RAD17: variants seen among roughly 807,000 people sequenced by gnomAD.
RAD17 encodes the protein RAD17 checkpoint clamp loader component.
In RAD17, 31 loss-of-function variants were observed where a neutral mutation model predicts 81.5. That is an observed-to-expected ratio of 0.38 (90% CI 0.29 to 0.51). The LOEUF is 0.51. Ranked by LOEUF, RAD17 falls within the 20% of genes least tolerant of loss-of-function variation. The pLI is 0.88. For missense variants in RAD17, 681 were observed against 781.2 expected (o/e 0.87, Z 1.53); for synonymous variants, 261 against 266.2 (o/e 0.98, Z 0.19).
At chr5:69,399,955 T>G in intron 16 of RAD17, 94 bp from the exon 17 acceptor site, 1 of 750,862 alleles carries the variant, frequency 1.3e-6, no homozygotes, top group Non-Finnish European at 2.0e-6. Flanking sequence ...TATAAACTTA[T>G]TGTGTAAGTT....
chr5:69,392,943 A>G (rs1400852648), intron 13 of RAD17: 1 of 518,266 alleles, frequency 1.9e-6, no homozygotes, highest in Non-Finnish European at 3.4e-6. Context: ...TAGAGAAGCC[A>G]TAATCTAAGC....
chr5:69,402,682 T>A (rs1765351745), intron 17 of RAD17, among the ~76,000 whole-genome samples: 1 of 151,960 alleles, frequency 6.6e-6, no homozygotes, highest in East Asian at 1.9e-4. Context: ...ATTTTAAATG[T>A]AAGGATGCAA....
At chr5:69,382,331 A>G (rs774166541) in intron 7 of RAD17, among the ~76,000 whole-genome samples, 3 of 152,174 alleles carry the variant, frequency 2.0e-5, no homozygotes, top group Admixed American at 1.3e-4. Flanking sequence ...CTGTAGTTCT[A>G]ACTACTCAAG....
intron 16 of RAD17, among the ~76,000 whole-genome samples, chr5:69,398,216 A>C (rs1409117355): frequency 6.6e-6 from 1 of 152,220 alleles, no homozygotes; most frequent in East Asian, 1.9e-4. Flanking sequence ...TAATTGGCTC[A>C]ATTTAGCCAT....
intron 8 of RAD17, 21 bp downstream of exon 8, chr5:69,384,954 CTTTTTTTT>C (rs375164458): frequency 1.6e-5 from 21 of 1,278,754 alleles, no homozygotes; most frequent in African/African-American, 6.6e-5. Context: ...CTTTTAAAAT[CTTTTTTTT>C]TTTTTTTTTG....
chr5:69,409,825 T>G (rs906405466), intron 17 of RAD17, among the ~76,000 whole-genome samples: 1 of 152,204 alleles, frequency 6.6e-6, no homozygotes, highest in African/African-American at 2.4e-5. Flanking sequence ...CTATTAGCAT[T>G]AATTCCCCAT....
intron 7 of RAD17, among the ~76,000 whole-genome samples, chr5:69,384,514 C>T (rs574817652): frequency 3.3e-5 from 5 of 152,290 alleles, no homozygotes; most frequent in African/African-American, 1.2e-4. Context: ...CCGGGTTTCA[C>T]CATGTTGCCC....
chr5:69,390,551 A>G (rs1266523393), intron 12 of RAD17, among the ~76,000 whole-genome samples: 1 of 152,186 alleles, frequency 6.6e-6, no homozygotes, highest in African/African-American at 2.4e-5. Flanking sequence ...ATCAATAGAG[A>G]GGTTGTTAAA....
intron 17 of RAD17, among the ~76,000 whole-genome samples, chr5:69,403,490 C>CT (rs1765400013): frequency 1.3e-5 from 2 of 152,150 alleles, no homozygotes; most frequent in Admixed American, 1.3e-4. Flanking sequence ...TTATTTTTGC[C>CT]TATGAATACA....
intron 7 of RAD17, chr5:69,384,013 ATAAT>A (rs945911687): frequency 3.3e-5 from 5 of 152,050 alleles, no homozygotes; most frequent in African/African-American, 1.2e-4. Flanking sequence ...TAAAAATTCA[ATAAT>A]TAGCCAGGCG....
intron 6 of RAD17, among the ~76,000 whole-genome samples, chr5:69,378,912 G>A (rs1262592166): frequency 6.6e-6 from 1 of 152,108 alleles, no homozygotes; most frequent in Admixed American, 6.6e-5. Context: ...GGAACTATAT[G>A]TGTAAATAAA....
chr5:69,387,973 C>A (rs1764318076), intron 11 of RAD17, among the ~76,000 whole-genome samples: 1 of 152,230 alleles, frequency 6.6e-6, no homozygotes, highest in East Asian at 1.9e-4. Flanking sequence ...CTGCAGTGAT[C>A]TAGATGAAAT....
chr5:69,372,377 C>T (rs17236191), intron 4 of RAD17, among the ~76,000 whole-genome samples, 160 bp downstream of exon 4: 70 of 152,252 alleles, frequency 4.6e-4, no homozygotes, highest in African/African-American at 1.6e-3. Flanking sequence ...TCAGCTCCAA[C>T]TTCTGGTTCA....
In RAD17 at chr5:69,374,613, A is replaced by G; in HGVS notation, c.268-15A>G. 1 of 1,593,162 alleles carries G rather than the reference A, an allele frequency of 6.3e-7. No homozygotes were observed. The highest frequency in any genetic ancestry group is 8.5e-7 in the Non-Finnish European group (1 of 1,172,018). ...GTTAAGAAGTTTTGTTTTAAATTTG[A>G]AATTTTTGTTGTAGCATGAACTTGC... is the stretch of plus-strand genomic sequence containing the variant. On this transcript the variant is annotated splice_polypyrimidine_tract_variant and intron_variant, in intron 5 of 18. Transcript: ENST00000354868.
chr5:69,412,947 A>G (rs180804624), intron 18 of RAD17, among the ~76,000 whole-genome samples: 40 of 150,992 alleles, frequency 2.6e-4, no homozygotes, highest in African/African-American at 9.5e-4. Context: ...AGATCGTGCT[A>G]CTGCCCTGTA....
chr5:69,391,815 G>C lies in RAD17; in HGVS notation c.1007-16G>C, dbSNP rs376507610. 4.2e-6 allele frequency: 6 copies of C among 1,430,016 alleles called. No homozygotes were observed. The highest frequency in any genetic ancestry group is 5.6e-6 in the Non-Finnish European group (6 of 1,073,796). 88.6% of individuals were successfully genotyped at this position (1,430,016 alleles called of 1,614,324 possible). A position where few individuals can be genotyped will look rare whatever the true frequency, so the allele number is the denominator to read the frequency against. ...ATTTTAATTTAAATATTGTCACTTG[G>C]ATGTATATTATTCAGGAGAAAACAA... On this transcript the variant is annotated splice_polypyrimidine_tract_variant and intron_variant, in intron 12 of 18. Coordinates refer to ENST00000354868, the MANE Select transcript of RAD17 (RefSeq NM_133338.3).
In RAD17 at chr5:69,371,158, T is replaced by A. The variant is rs772737549; in HGVS notation, c.-293T>A. On this transcript the variant is annotated 5_prime_UTR_variant, in exon 2 of 19. Transcript: ENST00000354868. ...AATTGCTCAAATAGAATTGCCTGAT[T>A]TTAATGACAAAAGGTAAGTACATAG... 1 of 498,174 alleles carries A rather than the reference T, an allele frequency of 2.0e-6. No homozygotes were observed. The highest frequency in any genetic ancestry group is 2.0e-5 in the African/African-American group (1 of 50,316). The allele number at this position is 498,174 out of a possible 1,614,324, so 30.9% of individuals were successfully genotyped here.
rs1762811144 is a variant in RAD17 at position 69,369,836 on chromosome 5, G to C, written c.-514G>C. 1 of 914,778 alleles carries C rather than the reference G, an allele frequency of 1.1e-6. No homozygotes were observed. The highest frequency in any genetic ancestry group is 1.7e-5 in the African/African-American group (1 of 59,294). The allele number at this position is 914,778 out of a possible 1,614,324, so 56.7% of individuals were successfully genotyped here. A position where few individuals can be genotyped will look rare whatever the true frequency, so the allele number is the denominator to read the frequency against. ...GGAGGCCGTACCTCCGAGAGGCTCG[G>C]CGTTGAGCCCGGGTAGGGCCAGGTG... On this transcript the variant is annotated 5_prime_UTR_variant, in exon 1 of 19. Transcript: ENST00000354868.
At chr5:69,398,006 A>G (rs966446131) in intron 16 of RAD17, among the ~76,000 whole-genome samples, 1 of 151,872 alleles carries the variant, frequency 6.6e-6, no homozygotes, top group Admixed American at 6.6e-5. Context: ...AGTCCCAACT[A>G]CTCTGGAGGC....
Sources: allele counts gnomAD v4.1 joint callset (sites outside exome capture counted in the v4.1 genomes callset), GRCh38; gene constraint gnomAD v4.1.1; transcripts MANE v1.5; gene names NCBI Gene and HGNC (gene_info 2026-07-23, HGNC 2026-07-21).